The following GABRB1 variants were observed in gnomAD, a reference collection of about 807,000 sequenced individuals.
GABRB1 encodes gamma-aminobutyric acid type A receptor subunit beta1.
In GABRB1, 17 loss-of-function variants were observed where a neutral mutation model predicts 51.6. That is an observed-to-expected ratio of 0.33 (90% CI 0.23 to 0.49). The LOEUF (loss-of-function observed/expected upper bound fraction) is 0.49. Among genes scored for constraint, GABRB1 ranks in the 20% least tolerant of loss-of-function variants. The pLI is 0.99. For missense variants in GABRB1, 410 were observed against 600.6 expected (o/e 0.68, Z 3.32); for synonymous variants, 247 against 218.9 (o/e 1.13, Z -1.14).
chr4:47,201,628 A>G (rs1312965016), intron 4 of GABRB1, among the ~76,000 whole-genome samples: 1 of 152,124 alleles, frequency 6.6e-6, no homozygotes, highest in Non-Finnish European at 1.5e-5. Context: ...GCTATTTCTT[A>G]ATCTGGGTGG....
At chr4:47,368,547 T>C (rs1335714733) in intron 5 of GABRB1, among the ~76,000 whole-genome samples, 1 of 152,088 alleles carries the variant, frequency 6.6e-6, no homozygotes. Flanking sequence ...AATCTAATGG[T>C]GATAACACTA....
intron 3 of GABRB1, among the ~76,000 whole-genome samples, chr4:47,160,256 A>G (rs1270398848): frequency 1.3e-5 from 2 of 152,096 alleles, no homozygotes; most frequent in Non-Finnish European, 2.9e-5. Context: ...ATCAATTTCA[A>G]CTCTGAATTC....
At chr4:47,156,881 T>C (rs1331190968) in intron 3 of GABRB1, among the ~76,000 whole-genome samples, 3 of 151,990 alleles carry the variant, frequency 2.0e-5, no homozygotes, top group Non-Finnish European at 2.9e-5. Flanking sequence ...GGCAGGAGAA[T>C]CTCTTGAACC....
chr4:47,065,206 T>A (rs147450945), intron 3 of GABRB1, among the ~76,000 whole-genome samples: 213 of 152,326 alleles, frequency 1.4e-3, no homozygotes, highest in African/African-American at 4.8e-3. Context: ...AAATGGCATA[T>A]TAAAACCCAC....
At chr4:47,275,200 G>C (rs1578055160) in intron 4 of GABRB1, among the ~76,000 whole-genome samples, 1 of 152,126 alleles carries the variant, frequency 6.6e-6, no homozygotes. Flanking sequence ...AGTTAGCCTT[G>C]ATAAGAAAAT....
intron 3 of GABRB1, among the ~76,000 whole-genome samples, chr4:47,076,297 T>G (rs1003920089): frequency 2.0e-4 from 30 of 152,346 alleles, no homozygotes; most frequent in African/African-American, 7.0e-4. Context: ...ATAACTGACT[T>G]GCATGGGGGT....
chr4:47,073,664 C>T (rs539418033), intron 3 of GABRB1, among the ~76,000 whole-genome samples: 29 of 152,240 alleles, frequency 1.9e-4, no homozygotes, highest in African/African-American at 5.1e-4. Flanking sequence ...TCTCTTGAGC[C>T]GTAATCTCCT....
At chr4:47,337,242 C>T (rs939776356) in intron 5 of GABRB1, among the ~76,000 whole-genome samples, 1 of 151,880 alleles carries the variant, frequency 6.6e-6, no homozygotes, top group Admixed American at 6.6e-5. Context: ...GACTCCATCC[C>T]CCCATCCCCC....
chr4:47,119,103 T>C (rs1203914363), intron 3 of GABRB1, among the ~76,000 whole-genome samples: 1 of 152,160 alleles, frequency 6.6e-6, no homozygotes, highest in Non-Finnish European at 1.5e-5. Flanking sequence ...GAACAAAATA[T>C]ATGTGTATAT....
chr4:47,002,932 T>C (rs1311164912), intron 1 of GABRB1, among the ~76,000 whole-genome samples: 1 of 152,196 alleles, frequency 6.6e-6, no homozygotes, highest in African/African-American at 2.4e-5. Context: ...TGCATGAAGA[T>C]AAATATCAGA....
chr4:47,391,067 T>G (rs914488926), intron 5 of GABRB1, among the ~76,000 whole-genome samples: 18 of 152,108 alleles, frequency 1.2e-4, no homozygotes, highest in Admixed American at 1.0e-3. Flanking sequence ...TCCCAGCTAC[T>G]CAGGAGGCTG....
rs546557168 is a variant in GABRB1, at chr4:47,128,691, GC to G, written c.241-32554del. Among the ~76,000 whole-genome samples the G allele has an allele frequency of 5.7e-3, 859 of 151,836 alleles. 5 individuals carry two copies. The highest frequency in any genetic ancestry group is 0.02 in the African/African-American group (811 of 41,438). On this transcript the variant is annotated intron_variant, in intron 3 of 8. Coordinates refer to ENST00000295454, the MANE Select transcript of GABRB1 (RefSeq NM_000812.4). ...GAGAGTTATAATATTTCAGAGTTTT[GC>G]CCCTTTTGAAATGTTTAAACATAAC...
At chr4:46,998,956 G>A (rs10018603) in intron 1 of GABRB1, among the ~76,000 whole-genome samples, 2,032 of 152,074 alleles carry the variant, frequency 0.013, 37 homozygotes, top group African/African-American at 0.047. Flanking sequence ...GTGTGTGATC[G>A]TGTGTAATTA....
rs566746790 is a variant in GABRB1, at chr4:47,375,344, A to G, written c.545-27974A>G. 7.5e-4 allele frequency among the ~76,000 whole-genome samples: 115 copies of G among 152,362 alleles called. 4 individuals are homozygous for G. Among genetic ancestry groups the G allele is most frequent in the African/African-American group, 2.6e-3 (110 of 41,576 alleles). ...ACGAAGTTGTGGAAGCAATCCAGGA[A>G]AACAATCATGAATAAAAATGAAGTA... On this transcript the variant is annotated intron_variant, in intron 5 of 8. Transcript: ENST00000295454.
chr4:47,307,623 T>A (rs1724517150), intron 4 of GABRB1, among the ~76,000 whole-genome samples: 1 of 151,982 alleles, frequency 6.6e-6, no homozygotes, highest in South Asian at 2.1e-4. Flanking sequence ...GATATTAAAT[T>A]CAACAACACA....
intron 3 of GABRB1, among the ~76,000 whole-genome samples, chr4:47,077,723 C>G (rs1727617639): frequency 6.6e-6 from 1 of 150,456 alleles, no homozygotes; most frequent in Admixed American, 6.7e-5. Context: ...TCCACTTTTC[C>G]TGTTTGCTAA....
intron 4 of GABRB1, among the ~76,000 whole-genome samples, chr4:47,201,818 T>G (rs1322448582): frequency 6.6e-6 from 1 of 152,202 alleles, no homozygotes; most frequent in Non-Finnish European, 1.5e-5. Context: ...GTGCTTATTT[T>G]TACTAGCATG....
At chr4:47,020,524 C>T (rs1394130731) in intron 1 of GABRB1, among the ~76,000 whole-genome samples, 1 of 152,144 alleles carries the variant, frequency 6.6e-6, no homozygotes, top group Non-Finnish European at 1.5e-5. Flanking sequence ...AACTGTTTAT[C>T]AACATCCTCA....
intron 3 of GABRB1, among the ~76,000 whole-genome samples, chr4:47,064,806 C>T (rs1577874498): frequency 6.6e-6 from 1 of 152,238 alleles, no homozygotes; most frequent in East Asian, 1.9e-4. Context: ...TCCTCAAAGT[C>T]TAGAACAGTT....
Sources: gnomAD v4.1 joint callset for allele counts (sites outside exome capture counted in the v4.1 genomes callset) on GRCh38, gnomAD v4.1.1 for gene constraint, MANE v1.5 for transcripts, NCBI Gene and HGNC (gene_info 2026-07-23, HGNC 2026-07-21) for gene names.